Variants in ABCC8 observed in about 807,000 individuals in gnomAD.
ABCC8 encodes ATP binding cassette subfamily C member 8, also known as ATP-binding cassette sub-family C member 8.
A neutral mutation model predicts 188.0 loss-of-function variants in ABCC8; 137 were observed. That is an observed-to-expected ratio of 0.73 (90% CI 0.63 to 0.84). ABCC8 has a LOEUF of 0.84. Ranked by LOEUF, ABCC8 falls within the 40% of genes least tolerant of loss-of-function variation. ABCC8 has a pLI of 0.00. For synonymous variants in ABCC8, 797 were observed against 846.5 expected, an observed-to-expected ratio of 0.94 and a Z score of 1.01; for missense variants, 1,750 against 2,072.7, an observed-to-expected ratio of 0.84 and a Z score of 3.02.
At chr11:17,464,589 G>A (rs775402835) in intron 3 of ABCC8, among the ~76,000 whole-genome samples, 2 of 152,168 alleles carry the variant, frequency 1.3e-5, no homozygotes, top group Non-Finnish European at 2.9e-5. Flanking sequence ...CACACGCAGC[G>A]GGTGCTCTTT....
In ABCC8 at chr11:17,476,717, C is replaced by T. The variant is rs775688352; in HGVS notation, c.60G>A (p.Gly20=). 6.2e-7 allele frequency: 1 copy of T among 1,610,030 alleles called. No homozygotes were observed. The highest frequency in any genetic ancestry group is 8.5e-7 in the Non-Finnish European group (1 of 1,178,414). The change falls in exon 1 of 39, where the codon GGG becomes GGA. Residue 20 remains glycine (G), a synonymous_variant. Coordinates refer to ENST00000389817, the MANE Select transcript of ABCC8 (RefSeq NM_000352.6). ...NHSAAYRVDQ[G]VLNNGCFVDA... is the part of the protein sequence containing the mutation. ...CCACAAAGCAGCCGTTGTTGAGGAC[C>T]CCCTGGTCCACCCGGTAGGCGGCCG... is the stretch of plus-strand genomic sequence containing the variant.
rs143902504 is a variant in ABCC8, at chr11:17,435,696, G to GGACA, written c.1631-3456_1631-3453dup. ...TTCACATGGCTGCCAGCCCTACAGA[G>GGACA]GACAGTACAGTAAGAACCGGGACAA... On this transcript the variant is annotated intron_variant, in intron 10 of 38. Transcript: ENST00000389817. 6,334 of 1,381,800 alleles carry GGACA rather than the reference G, an allele frequency of 4.6e-3. 158 individuals are homozygous for GGACA. The African/African-American group carries it at 0.067, about 15-fold the overall frequency. The allele number at this position is 1,381,800 out of a possible 1,614,324, so 85.6% of individuals were successfully genotyped here.
chr11:17,432,014 A>T (rs1163639803), intron 11 of ABCC8, among the ~76,000 whole-genome samples, 190 bp downstream of exon 11: 1 of 152,238 alleles, frequency 6.6e-6, no homozygotes, highest in Non-Finnish European at 1.5e-5. Flanking sequence ...GCCTGGAGGC[A>T]GAGGCCCCTG....
chr11:17,407,649 A>ACAGGGATATGGGGG, intron 23 of ABCC8, 196 bp from the exon 24 acceptor site: 4 of 558,926 alleles, frequency 7.2e-6, no homozygotes, highest in Non-Finnish European at 9.1e-6. Context: ...TAGCACCCCC[A>ACAGGGATATGGGGG]TATCCCTGTG....
intron 2 of ABCC8, among the ~76,000 whole-genome samples, chr11:17,473,734 T>G (rs1591925404): frequency 6.6e-6 from 1 of 152,322 alleles, no homozygotes; most frequent in South Asian, 2.1e-4. Flanking sequence ...ACTACTGCAG[T>G]CAATGCTAAG....
chr11:17,392,878 C>G, downstream of ABCC8: 1 of 1,324,832 alleles, frequency 7.5e-7, no homozygotes, highest in Non-Finnish European at 1.1e-6. Flanking sequence ...AGACTTAGGG[C>G]CTCTAGTAGG....
At chr11:17,449,080 A>C (rs1011557191) in intron 7 of ABCC8, among the ~76,000 whole-genome samples, 20 of 152,192 alleles carry the variant, frequency 1.3e-4, no homozygotes, top group African/African-American at 4.1e-4. Context: ...GCACGTGCCT[A>C]CCATGCCCAG....
chr11:17,476,507 C>T (rs1386880186), intron 1 of ABCC8, 122 bp downstream of exon 1: 10 of 1,279,596 alleles, frequency 7.8e-6, no homozygotes, highest in Middle Eastern at 2.4e-4. Flanking sequence ...CAGGGGACCC[C>T]GGGAACGAGG....
In ABCC8 at chr11:17,395,690, G is replaced by A. The variant is rs146584228; in HGVS notation, c.4227C>T (p.Ile1409=). 48 of 1,558,596 alleles carry A rather than the reference G, an allele frequency of 3.1e-5. No individual in the cohort carries two copies. The African/African-American group carries it at 3.5e-4, about 11-fold the overall frequency. ...EGHIIIDGID[I]AKLPLHTLRS... is the part of the protein sequence containing the mutation. ...GCAGGGTGTGCAGCGGCAGTTTGGC[G>A]ATGTCAATGCCATCAATGATGATGT... Residue 1409 remains isoleucine, a synonymous_variant, in exon 35 of 39, where the codon ATC becomes ATT. Transcript: ENST00000389817.
rs781026423 is a variant in ABCC8, at chr11:17,404,568, G to C, written c.3501C>G (p.Leu1167=). ...SYVTPVFLVA[L]LPLAIVCYFI... is the part of the protein sequence containing the mutation. ...AGTAGCACACGATGGCCAGGGGCAA[G>C]AGGGCCACGAGGAACACAGGTGTGA... is the stretch of plus-strand genomic sequence containing the variant. Residue 1167 remains leucine (L), a synonymous_variant, in exon 28 of 39, where the codon CTC becomes CTG. Coordinates refer to ENST00000389817, the MANE Select transcript of ABCC8 (RefSeq NM_000352.6). This position sits in a 1 kb window ranked among gnomAD's most constrained non-coding sequence, Gnocchi z 4.7. The C allele has an allele frequency of 4.3e-6, 7 of 1,614,110 alleles. No homozygotes were observed. In the South Asian group the frequency reaches 6.6e-5, roughly 15 times the overall value.
At chr11:17,439,940 C>T (rs1016357286) in intron 10 of ABCC8, among the ~76,000 whole-genome samples, 1 of 152,134 alleles carries the variant, frequency 6.6e-6, no homozygotes, top group Non-Finnish European at 1.5e-5. Flanking sequence ...TGAGCACCCA[C>T]TAGGTAGGGT....
At chr11:17,463,770 C>T (rs768792670) in intron 3 of ABCC8, 166 bp from the exon 4 acceptor site, 10 of 349,136 alleles carry the variant, frequency 2.9e-5, no homozygotes, top group Non-Finnish European at 3.6e-5. Flanking sequence ...GAGTACATGA[C>T]TCTAAGATGA....
intron 2 of ABCC8, 119 bp downstream of exon 2, chr11:17,474,767 T>A: frequency 8.7e-7 from 1 of 1,149,630 alleles, no homozygotes; most frequent in Non-Finnish European, 1.3e-6. Context: ...ACTGAGCTGC[T>A]GGATGTAGTA....
At position 17,461,696 on chromosome 11, in the gene ABCC8, T is replaced by C. The variant is rs745814005; in HGVS notation, c.709A>G (p.Ile237Val). Residue 237 changes from isoleucine (I) to valine (V), a missense_variant, in exon 5 of 39, where the codon ATC becomes GTC. Transcript: ENST00000389817. ...ATGGGCTTCTTGTGGGCAGTCTTGA[T>C]GAAGGCGTTCATCCACCAGTAGGTG... is the stretch of plus-strand genomic sequence containing the variant. ...KGTYWWMNAF[I>V]KTAHKKPIDL... 5 of 1,614,220 alleles carry C rather than the reference T, an allele frequency of 3.1e-6. No homozygotes were observed. The East Asian group carries it at 8.9e-5, about 29-fold the overall frequency.
intron 10 of ABCC8, among the ~76,000 whole-genome samples, chr11:17,434,107 T>C (rs1334490788): frequency 6.6e-6 from 1 of 152,104 alleles, no homozygotes; most frequent in African/African-American, 2.4e-5. Context: ...AAATGTGAGG[T>C]AGCCTCGCCC....
chr11:17,437,035 G>A (rs948949936), intron 10 of ABCC8, among the ~76,000 whole-genome samples: 1 of 140,692 alleles, frequency 7.1e-6, no homozygotes, highest in Non-Finnish European at 1.5e-5. Flanking sequence ...AGGTTGCAGT[G>A]AGCCGAGATC....
At chr11:17,408,248 G>A (rs1246016002) in intron 23 of ABCC8, 144 bp downstream of exon 23, 6 of 771,112 alleles carry the variant, frequency 7.8e-6, no homozygotes, top group Admixed American at 7.3e-5. Flanking sequence ...TCCTCTGGTA[G>A]GAGCCAGTTC....
chr11:17,438,665 AG>A (rs1273110843), intron 10 of ABCC8, among the ~76,000 whole-genome samples: 7 of 152,220 alleles, frequency 4.6e-5, no homozygotes, highest in Non-Finnish European at 1.0e-4. Context: ...TGACTTCTAA[AG>A]GAAGAGACCA....
chr11:17,424,922 G>A (rs781192842), intron 16 of ABCC8, among the ~76,000 whole-genome samples: 11 of 152,210 alleles, frequency 7.2e-5, no homozygotes, highest in Non-Finnish European at 2.9e-5. Context: ...AAACTTAGTA[G>A]GAGGCTTGAT....
Sources: gnomAD v4.1 joint callset for allele counts (sites outside exome capture counted in the v4.1 genomes callset) on GRCh38, gnomAD v4.1.1 for gene constraint, Gnocchi (gnomAD v3.1) non-coding constraint, MANE v1.5 for transcripts, NCBI Gene and HGNC (gene_info 2026-07-23, HGNC 2026-07-21) for gene names.